RBM33: variants seen among roughly 807,000 people sequenced by gnomAD.
RBM33 encodes the protein RNA binding motif protein 33.
A neutral mutation model predicts 132.6 loss-of-function variants in RBM33; 28 were observed. The ratio of observed to expected loss-of-function variants is 0.21; its 90% CI spans 0.16 to 0.29. The LOEUF (loss-of-function observed/expected upper bound fraction) is 0.29. Among genes scored for constraint, RBM33 ranks in the 10% least tolerant of loss-of-function variants. The pLI, the probability that RBM33 is intolerant of heterozygous loss-of-function variation, is 1.00. For missense variants in RBM33, 1,291 were observed against 1,518.5 expected, an observed-to-expected ratio of 0.85 and a Z score of 2.49; for synonymous variants, 634 against 593.0, an observed-to-expected ratio of 1.07 and a Z score of -1.01.
intron 2 of RBM33, among the ~76,000 whole-genome samples, chr7:155,671,077 G>A (rs1798932037): frequency 6.6e-6 from 1 of 152,164 alleles, no homozygotes; most frequent in South Asian, 2.1e-4. Context: ...GTATAGACGA[G>A]TGCCTGTCTT....
intron 11 of RBM33, 56 bp downstream of exon 11, chr7:155,738,459 G>A: frequency 6.9e-7 from 1 of 1,458,048 alleles, no homozygotes; most frequent in Non-Finnish European, 9.3e-7. Context: ...AAGGCTTTGT[G>A]TTCCATAAAG....
chr7:155,745,539 CAGT>C lies in RBM33; in HGVS notation c.2917_2919del (p.Ser973del), dbSNP rs767021856. On this transcript the variant is annotated inframe_deletion, in exon 14 of 18. Transcript: ENST00000401878. This position sits in a 1 kb window ranked among gnomAD's most constrained non-coding sequence, Gnocchi z 4.1. The stretch of plus-strand genomic sequence containing the variant: ...AAAGGACTGTCACGCACAGGACAAA[CAGT>C]GGTGGTGGAGACGGGCCCCACATCA... 5.4e-5 allele frequency: 87 copies of C among 1,611,760 alleles called. No homozygotes were observed. The highest frequency in any genetic ancestry group is 1.6e-4 in the African/African-American group (12 of 74,888).
At chr7:155,674,203 G>A (rs554718231) in intron 3 of RBM33, among the ~76,000 whole-genome samples, 39 of 152,050 alleles carry the variant, frequency 2.6e-4, no homozygotes, top group Non-Finnish European at 4.4e-4. Flanking sequence ...AAATACATCC[G>A]TATAAGTTGA....
At chr7:155,647,130 C>T (rs1385282297) in intron 1 of RBM33, among the ~76,000 whole-genome samples, 1 of 152,078 alleles carries the variant, frequency 6.6e-6, no homozygotes, top group Non-Finnish European at 1.5e-5. Context: ...AAATGGCAGC[C>T]ACAGAAATGT....
intron 9 of RBM33, among the ~76,000 whole-genome samples, chr7:155,720,208 G>A (rs1314946275): frequency 6.6e-6 from 1 of 152,164 alleles, no homozygotes; most frequent in Non-Finnish European, 1.5e-5. Flanking sequence ...CTGTGTATGT[G>A]CATATAGCTT....
chr7:155,775,128 A>G lies in RBM33; in HGVS notation c.*87A>G, dbSNP rs758263239. On this transcript the variant is annotated 3_prime_UTR_variant, in exon 18 of 18. Coordinates refer to ENST00000401878, the MANE Select transcript of RBM33 (RefSeq NM_053043.3). ...TGCCGGCCGGCGCAGAACCCCCAGG[A>G]GCACAGGTCTCTCCGGGCCGCTGTC... The G allele has an allele frequency of 8.6e-7, 1 of 1,161,562 alleles. No individual in the cohort carries two copies. The highest frequency in any genetic ancestry group is 1.2e-5 in the South Asian group (1 of 81,606). 72.0% of individuals were successfully genotyped at this position (1,161,562 alleles called of 1,614,324 possible). A position where few individuals can be genotyped will look rare whatever the true frequency, so the allele number is the denominator to read the frequency against.
chr7:155,704,729 G>A (rs4607482), intron 6 of RBM33, among the ~76,000 whole-genome samples: 47,313 of 152,058 alleles, frequency 0.31, 7,640 homozygotes, highest in Admixed American at 0.43. Flanking sequence ...TCATTGGCAC[G>A]TGTTACATGT....
intron 14 of RBM33, among the ~76,000 whole-genome samples, chr7:155,747,753 A>G (rs774424887): frequency 6.6e-6 from 1 of 152,220 alleles, no homozygotes; most frequent in Non-Finnish European, 1.5e-5. Flanking sequence ...CTTAGGGTTT[A>G]CTCAGTCCCC....
chr7:155,681,146 T>G (rs1799327586), intron 5 of RBM33, among the ~76,000 whole-genome samples: 1 of 152,242 alleles, frequency 6.6e-6, no homozygotes, highest in Non-Finnish European at 1.5e-5. Flanking sequence ...CCTTGAGGAT[T>G]GTACCCTAAG....
intron 16 of RBM33, among the ~76,000 whole-genome samples, chr7:155,771,800 T>G (rs2117083151): frequency 6.6e-6 from 1 of 152,306 alleles, no homozygotes; most frequent in African/African-American, 2.4e-5. Flanking sequence ...GGTATGATCC[T>G]GTGATCATGA....
At chr7:155,682,777 T>C (rs576686286) in intron 5 of RBM33, among the ~76,000 whole-genome samples, 14 of 152,360 alleles carry the variant, frequency 9.2e-5, no homozygotes, top group African/African-American at 3.4e-4. Context: ...TTTGGTGTTC[T>C]TGCAGAGTTT....
At chr7:155,759,782 C>T (rs1464191752) in intron 14 of RBM33, among the ~76,000 whole-genome samples, 1 of 152,152 alleles carries the variant, frequency 6.6e-6, no homozygotes, top group Non-Finnish European at 1.5e-5. Flanking sequence ...ATAACATCCT[C>T]CTTTTGGTGC....
At chr7:155,649,688 ACT>A (rs1402648378) in intron 1 of RBM33, among the ~76,000 whole-genome samples, 2 of 151,260 alleles carry the variant, frequency 1.3e-5, no homozygotes, top group South Asian at 2.1e-4. Context: ...AAATGAAGAG[ACT>A]CTATTCCTTG....
Position 155,745,535 on chromosome 7 carries a change from C to T in RBM33, c.2912C>T (p.Thr971Ile). The T allele has an allele frequency of 6.2e-7, 1 of 1,612,138 alleles. No individual in the cohort carries two copies. The highest frequency in any genetic ancestry group is 8.5e-7 in the Non-Finnish European group (1 of 1,179,144). Residue 971 changes from threonine to isoleucine, a missense_variant, in exon 14 of 18, where the codon ACA becomes ATA. Physicochemically the swap from Thr to Ile is moderately conservative, Grantham distance 89. Around this residue, in one of 7 missense-constraint regions of RBM33, gnomAD observed 841 missense variants for 912.0 expected, o/e 0.92. Transcript: ENST00000401878. This position sits in a 1 kb window ranked among gnomAD's most constrained non-coding sequence, Gnocchi z 4.1. ...GTGAAAAGGACTGTCACGCACAGGA[C>T]AAACAGTGGTGGTGGAGACGGGCCC... Reference protein sequence around the residue: ...PGVKRTVTHRTNSGGGDGPHI... With the variant: ...PGVKRTVTHRINSGGGDGPHI...
chr7:155,706,991 C>G lies in RBM33; in HGVS notation c.871C>G (p.Gln291Glu). The change falls in exon 7 of 18, where the codon CAG (glutamine) becomes GAG (glutamate). Residue 291 changes from glutamine (Q) to glutamate (E), a missense_variant. Physicochemically the swap from Gln to Glu is conservative, Grantham distance 29. Transcript: ENST00000401878. ...GPLMCRGVGDQRRESTERGRM... is the reference protein window; with the variant it reads ...GPLMCRGVGDERRESTERGRM... ...GCTGATGTGTCGTGGTGTGGGGGAC[C>G]AGAGGAGAGAGAGCACCGAGAGGGG... is the stretch of plus-strand genomic sequence containing the variant. The G allele has an allele frequency of 6.3e-7, 1 of 1,592,140 alleles. No homozygotes were observed. The highest frequency in any genetic ancestry group is 8.6e-7 in the Non-Finnish European group (1 of 1,169,426).
At chr7:155,688,535 G>T (rs1799541971) in intron 5 of RBM33, among the ~76,000 whole-genome samples, 1 of 152,200 alleles carries the variant, frequency 6.6e-6, no homozygotes, top group African/African-American at 2.4e-5. Flanking sequence ...TGGTGAGAGA[G>T]GGCATCCCTG....
Position 155,651,106 on chromosome 7 carries a change from GACCTCAGGT to G in RBM33, c.43+6188_43+6196del, listed in dbSNP as rs546752807. On this transcript the variant is annotated intron_variant, in intron 1 of 17. Coordinates refer to ENST00000401878, the MANE Select transcript of RBM33 (RefSeq NM_053043.3). ...TTGGCCAGGCTGGTCTGGAACTCCT[GACCTCAGGT>G]GATCTGCCCGCCTCGGCCTCCCAAA... Among the ~76,000 whole-genome samples, 221 of 152,294 alleles carry G rather than the reference GACCTCAGGT, an allele frequency of 1.5e-3. 2 individuals carry two copies. The highest frequency in any genetic ancestry group is 5.3e-3 in the African/African-American group (219 of 41,546).
chr7:155,763,279 A>G (rs528153913), intron 14 of RBM33, among the ~76,000 whole-genome samples: 1 of 152,342 alleles, frequency 6.6e-6, no homozygotes, highest in Non-Finnish European at 1.5e-5. Flanking sequence ...GAGAGGTCAG[A>G]GTATTTGAAG....
chr7:155,739,004 A>T (rs1309902175), intron 11 of RBM33: 1 of 152,756 alleles, frequency 6.5e-6, no homozygotes, highest in African/African-American at 2.4e-5. Flanking sequence ...CTATTAAAAT[A>T]CATAGCGATG....
Sources: allele counts gnomAD v4.1 joint callset (sites outside exome capture counted in the v4.1 genomes callset), GRCh38; gene constraint gnomAD v4.1.1; regional missense constraint gnomAD v4.1.1; non-coding constraint Gnocchi (gnomAD v3.1); transcripts MANE v1.5; gene names NCBI Gene and HGNC (gene_info 2026-07-23, HGNC 2026-07-21).